The following AP2B1 variants were observed in gnomAD, a reference collection of about 807,000 sequenced individuals.
The protein encoded by AP2B1 is AP-2 complex subunit beta.
In AP2B1, 23 loss-of-function variants were observed where a neutral mutation model predicts 102.0. The observed-to-expected ratio is 0.23, with a 90% confidence interval of 0.16 to 0.32. The LOEUF (loss-of-function observed/expected upper bound fraction) is 0.32. AP2B1 is among the 10% of genes least tolerant of loss of function. The probability of loss-of-function intolerance (pLI) is 1.00; values close to 1 mark genes in which losing one functional copy is unlikely to be tolerated. For missense variants in AP2B1, 541 were observed against 1,157.4 expected (o/e 0.47, Z 7.73); for synonymous variants, 381 against 421.2 (o/e 0.90, Z 1.17).
intron 9 of AP2B1, among the ~76,000 whole-genome samples, chr17:35,631,146 G>A (rs1192074550): frequency 6.6e-6 from 1 of 152,156 alleles, no homozygotes; most frequent in East Asian, 1.9e-4. Flanking sequence ...TCTTTCAGGA[G>A]TAAACAAACT....
chr17:35,644,860 C>A (rs986309293), intron 12 of AP2B1, among the ~76,000 whole-genome samples: 4 of 151,974 alleles, frequency 2.6e-5, no homozygotes, highest in African/African-American at 9.7e-5. Context: ...GGCAAAATCC[C>A]ATCTCTACAA....
At chr17:35,708,558 G>T (rs1307201594) in intron 18 of AP2B1, among the ~76,000 whole-genome samples, 1 of 151,938 alleles carries the variant, frequency 6.6e-6, no homozygotes, top group Non-Finnish European at 1.5e-5. Context: ...AAGGTTTTTT[G>T]TTCTTATAGT....
chr17:35,594,958 CCTG>C (rs562359157), intron 2 of AP2B1, among the ~76,000 whole-genome samples: 41 of 152,306 alleles, frequency 2.7e-4, no homozygotes, highest in African/African-American at 9.9e-4. Flanking sequence ...GCTTATTGTG[CCTG>C]TAGCTTAGCT....
chr17:35,627,424 G>A lies in AP2B1; in HGVS notation c.978G>A (p.Val326=), dbSNP rs1157936843. The change falls in exon 8 of 22, where the codon GTG becomes GTA. Residue 326 remains valine (V), a synonymous_variant. Transcript: ENST00000610402. ...AGCAGGAAATCAAAGTCTTCTTTGT[G>A]AAGTACAATGATCCCATCTATGTTA... ...ILKQEIKVFF[V]KYNDPIYVKL... The A allele has an allele frequency of 6.2e-7, 1 of 1,613,908 alleles. No homozygotes were observed. Among genetic ancestry groups the A allele is most frequent in the South Asian group, 1.1e-5 (1 of 91,076 alleles).
chr17:35,637,432 A>T (rs2074639030), intron 10 of AP2B1, among the ~76,000 whole-genome samples: 1 of 151,986 alleles, frequency 6.6e-6, no homozygotes, highest in Non-Finnish European at 1.5e-5. Flanking sequence ...CATCCACCTC[A>T]GCCTCCCAAA....
chr17:35,646,315 T>A (rs2074931822), intron 12 of AP2B1, among the ~76,000 whole-genome samples: 1 of 152,182 alleles, frequency 6.6e-6, no homozygotes, highest in Non-Finnish European at 1.5e-5. Flanking sequence ...GTGGCCTCCA[T>A]GTAAAATGTG....
At chr17:35,612,412 T>C (rs2073890115) in intron 5 of AP2B1, among the ~76,000 whole-genome samples, 1 of 152,232 alleles carries the variant, frequency 6.6e-6, no homozygotes, top group African/African-American at 2.4e-5. Flanking sequence ...ACTGAAAAGC[T>C]TGGGCTTAAG....
intron 9 of AP2B1, among the ~76,000 whole-genome samples, chr17:35,628,244 C>T (rs1567848223): frequency 6.6e-6 from 1 of 152,118 alleles, no homozygotes; most frequent in Non-Finnish European, 1.5e-5. Context: ...ATTTTGGTAT[C>T]CACAGGGGCC....
At chr17:35,722,973 A>G (rs72829927) in intron 21 of AP2B1, among the ~76,000 whole-genome samples, 19,666 of 152,238 alleles carry the variant, frequency 0.13, 1,676 homozygotes, top group South Asian at 0.25. Flanking sequence ...GTGGTGGTAG[A>G]GGGGTATCAG....
chr17:35,680,694 TTTTTTG>T (rs1384600247), intron 17 of AP2B1, among the ~76,000 whole-genome samples: 28 of 46,930 alleles, frequency 6.0e-4, no homozygotes, highest in African/African-American at 2.0e-3. Context: ...TGGTTTTTTT[TTTTTTG>T]TTTTTTTTTT....
intron 14 of AP2B1, among the ~76,000 whole-genome samples, chr17:35,659,219 A>G (rs1333442612): frequency 6.6e-6 from 1 of 152,190 alleles, no homozygotes. Context: ...ACATTCAACC[A>G]CAAATTAAAT....
chr17:35,717,839 C>T (rs2143011961), intron 21 of AP2B1, among the ~76,000 whole-genome samples: 1 of 152,282 alleles, frequency 6.6e-6, no homozygotes, highest in Non-Finnish European at 1.5e-5. Flanking sequence ...CAAAATGGAA[C>T]ACACCTTTGG....
intron 18 of AP2B1, among the ~76,000 whole-genome samples, chr17:35,694,423 TTTAA>T (rs1320924647): frequency 7.2e-6 from 1 of 138,618 alleles, no homozygotes; most frequent in African/African-American, 2.6e-5. Flanking sequence ...TTTTTTTTTT[TTTAA>T]TTTTTTAATT....
At chr17:35,658,523 A>G (rs1436550890) in intron 14 of AP2B1, among the ~76,000 whole-genome samples, 1 of 152,178 alleles carries the variant, frequency 6.6e-6, no homozygotes, top group Non-Finnish European at 1.5e-5. Context: ...GGTGACCATC[A>G]ATCTATGAAG....
chr17:35,608,523 A>G, intron 5 of AP2B1, 136 bp downstream of exon 5: 1 of 1,091,226 alleles, frequency 9.2e-7, no homozygotes, highest in African/African-American at 1.6e-5. Context: ...TGTGTCTCAC[A>G]GATTGTATAT....
At chr17:35,684,593 A>G (rs2075892251) in intron 18 of AP2B1, among the ~76,000 whole-genome samples, 1 of 152,190 alleles carries the variant, frequency 6.6e-6, no homozygotes, top group East Asian at 1.9e-4. Flanking sequence ...GTGAGTCACA[A>G]TGTAACTTGG....
intron 18 of AP2B1, among the ~76,000 whole-genome samples, 157 bp from the exon 19 acceptor site, chr17:35,709,067 T>C (rs1473786285): frequency 6.6e-6 from 1 of 152,134 alleles, no homozygotes; most frequent in Non-Finnish European, 1.5e-5. Context: ...AAGGGTGTGC[T>C]TTGCAGTATA....
chr17:35,616,140 C>CTTTT (rs1567817288), intron 5 of AP2B1, among the ~76,000 whole-genome samples: 2 of 79,376 alleles, frequency 2.5e-5, no homozygotes, highest in South Asian at 8.7e-4. Flanking sequence ...TAAAAAATAT[C>CTTTT]TCTTTTTTTT....
intron 1 of AP2B1, among the ~76,000 whole-genome samples, chr17:35,590,598 A>G (rs1597950405): frequency 6.6e-6 from 1 of 152,208 alleles, no homozygotes; most frequent in Non-Finnish European, 1.5e-5. Flanking sequence ...TATTGTTTAC[A>G]ATATGGTTAC....
Sources: allele counts gnomAD v4.1 joint callset (sites outside exome capture counted in the v4.1 genomes callset), GRCh38; gene constraint gnomAD v4.1.1; transcripts MANE v1.5; gene names NCBI Gene and HGNC (gene_info 2026-07-23, HGNC 2026-07-21).